SYT1: variants seen among roughly 807,000 people sequenced by gnomAD.
SYT1 encodes the protein synaptotagmin-1.
In SYT1, 8 loss-of-function variants were observed where a neutral mutation model predicts 44.8. That is an observed-to-expected ratio of 0.18 (90% CI 0.10 to 0.32). The LOEUF is 0.32. Ranked by LOEUF, SYT1 falls within the 10% of genes least tolerant of loss-of-function variation. The pLI is 1.00. For missense variants in SYT1, 286 were observed against 509.3 expected (o/e 0.56, Z 4.22); for synonymous variants, 154 against 188.8 (o/e 0.82, Z 1.51).
intron 3 of SYT1, among the ~76,000 whole-genome samples, chr12:79,153,144 G>T (rs946423229): frequency 1.3e-5 from 2 of 152,078 alleles, no homozygotes; most frequent in African/African-American, 2.4e-5. Flanking sequence ...GAGGTTGAGG[G>T]AAACGGGGCT....
intron 4 of SYT1, among the ~76,000 whole-genome samples, chr12:79,249,355 C>T (rs547682080): frequency 2.0e-4 from 31 of 151,992 alleles, no homozygotes; most frequent in Admixed American, 1.8e-3. Flanking sequence ...CCACCCGCCT[C>T]GGCCTCCCAA....
intron 9 of SYT1, among the ~76,000 whole-genome samples, chr12:79,428,290 C>T (rs1342415066): frequency 2.0e-5 from 3 of 152,114 alleles, no homozygotes; most frequent in Non-Finnish European, 2.9e-5. Context: ...TTCTGGTTCT[C>T]GCCTAGCTAC....
At position 78,931,223 on chromosome 12, in the gene SYT1, GAAA is replaced by G. The variant is rs1565723320; in HGVS notation, c.-216-46575_-216-46573del. Among the ~76,000 whole-genome samples, 13 of 59,946 alleles carry G rather than the reference GAAA, an allele frequency of 2.2e-4. 1 individual carries two copies. The highest frequency in any genetic ancestry group is 1.2e-3 in the African/African-American group (13 of 11,026). The allele number at this position is 59,946 out of a possible 152,430, so 39.3% of individuals were successfully genotyped here. ...AGAAAGAAAGAAAGAAAGAAAGAAAGAAAGAAAGAAAGAAAGAAGGAAGGAAGG... is the reference window on the plus strand; with the variant it reads ...AGAAAGAAAGAAAGAAAGAAAGAAAGGAAAGAAAGAAAGAAGGAAGGAAGG... On this transcript the variant is annotated intron_variant, in intron 1 of 10. Transcript: ENST00000261205.
chr12:78,917,782 A>G (rs898569046), intron 1 of SYT1, among the ~76,000 whole-genome samples: 2 of 152,020 alleles, frequency 1.3e-5, no homozygotes, highest in Admixed American at 1.3e-4. Context: ...GTTGACGAGA[A>G]TTGGGCCTTG....
chr12:79,184,369 A>AT (rs1396364144), intron 3 of SYT1, among the ~76,000 whole-genome samples: 1 of 152,054 alleles, frequency 6.6e-6, no homozygotes, highest in Non-Finnish European at 1.5e-5. Flanking sequence ...TTTATTAGTT[A>AT]TGTAACATTA....
chr12:78,884,874 TTAA>T (rs1327961807), intron 1 of SYT1, among the ~76,000 whole-genome samples: 1 of 151,890 alleles, frequency 6.6e-6, no homozygotes, highest in Admixed American at 6.6e-5. Context: ...TTTGGCAAAT[TTAA>T]TAATAATAGT....
At chr12:79,379,877 T>C (rs1884146561) in intron 9 of SYT1, among the ~76,000 whole-genome samples, 1 of 152,170 alleles carries the variant, frequency 6.6e-6, no homozygotes, top group Admixed American at 6.5e-5. Context: ...TACGACTAAT[T>C]TGCCTTCTTG....
intron 9 of SYT1, among the ~76,000 whole-genome samples, chr12:79,415,556 A>G (rs1381445370): frequency 6.6e-6 from 1 of 152,190 alleles, no homozygotes; most frequent in Non-Finnish European, 1.5e-5. Flanking sequence ...TAGCACATAA[A>G]TAGCTGCCTA....
chr12:79,299,699 C>A, intron 8 of SYT1, 148 bp downstream of exon 8: 1 of 928,754 alleles, frequency 1.1e-6, no homozygotes, highest in Middle Eastern at 2.2e-4. Flanking sequence ...GGGCACTGCA[C>A]CACCTCGTTA....
chr12:78,947,522 T>TA (rs71441942), intron 1 of SYT1, among the ~76,000 whole-genome samples: 80,548 of 142,516 alleles, frequency 0.57, 22,951 homozygotes, highest in African/African-American at 0.69. Context: ...TTGAATCTAG[T>TA]AAAAAAAAAA....
chr12:79,341,094 G>C (rs922667919), intron 8 of SYT1: 3 of 152,068 alleles, frequency 2.0e-5, no homozygotes, highest in Non-Finnish European at 4.4e-5. Flanking sequence ...AGCATGACTG[G>C]CATATTGAAA....
intron 9 of SYT1, among the ~76,000 whole-genome samples, chr12:79,404,723 C>T (rs1346756143): frequency 6.6e-6 from 1 of 152,220 alleles, no homozygotes; most frequent in Non-Finnish European, 1.5e-5. Context: ...CGAGAGCTAA[C>T]ACTCATAATT....
intron 2 of SYT1, among the ~76,000 whole-genome samples, chr12:78,994,893 TTTTTTG>T (rs1791235769): frequency 1.3e-5 from 2 of 151,984 alleles, no homozygotes; most frequent in Admixed American, 1.3e-4. Flanking sequence ...AGAGTTTCTG[TTTTTTG>T]TTTTTTTTCA....
intron 4 of SYT1, among the ~76,000 whole-genome samples, chr12:79,237,260 A>G (rs888042385): frequency 7.9e-5 from 12 of 152,230 alleles, no homozygotes; most frequent in South Asian, 2.1e-4. Context: ...TATGCCCTGT[A>G]GGGATTGGAC....
intron 3 of SYT1, among the ~76,000 whole-genome samples, chr12:79,088,680 G>A (rs1030980301): frequency 4.6e-5 from 7 of 151,632 alleles, no homozygotes; most frequent in Admixed American, 2.0e-4. Context: ...TTGGAGGAGC[G>A]CAAACATGGA....
At chr12:79,036,134 C>T (rs1174281782) in intron 2 of SYT1, among the ~76,000 whole-genome samples, 1 of 151,602 alleles carries the variant, frequency 6.6e-6, no homozygotes, top group African/African-American at 2.4e-5. Flanking sequence ...TTTTAAGTAC[C>T]AGCTTATTAC....
intron 1 of SYT1, among the ~76,000 whole-genome samples, chr12:78,907,458 T>C (rs7963240): frequency 0.77 from 117,190 of 151,764 alleles, 45,939 homozygotes; most frequent in African/African-American, 0.9. Context: ...ATATATTATA[T>C]ATTAGCTCTC....
intron 3 of SYT1, among the ~76,000 whole-genome samples, chr12:79,110,484 AAC>A (rs1044195674): frequency 2.0e-5 from 3 of 152,154 alleles, no homozygotes; most frequent in Non-Finnish European, 4.4e-5. Flanking sequence ...CATTATAAGA[AAC>A]ACACGAAAAT....
chr12:79,312,727 G>C, intron 8 of SYT1, among the ~76,000 whole-genome samples: 1 of 146,808 alleles, frequency 6.8e-6, no homozygotes, highest in Non-Finnish European at 1.5e-5. Context: ...TCTTATTTTG[G>C]CACCACTTTT....
Sources: gnomAD v4.1 joint callset for allele counts (sites outside exome capture counted in the v4.1 genomes callset) on GRCh38, gnomAD v4.1.1 for gene constraint, MANE v1.5 for transcripts, NCBI Gene and HGNC (gene_info 2026-07-23, HGNC 2026-07-21) for gene names.